The following LTBP1 variants were observed in gnomAD, a reference collection of about 807,000 sequenced individuals.
LTBP1 encodes the protein latent transforming growth factor beta binding protein 1.
A neutral mutation model predicts 207.6 loss-of-function variants in LTBP1; 129 were observed. That is an observed-to-expected ratio of 0.62 (90% CI 0.54 to 0.72). The LOEUF (loss-of-function observed/expected upper bound fraction) is 0.72, where lower values mean the gene tolerates loss of function less well. LTBP1 is among the 30% of genes least tolerant of loss of function. The pLI is 0.00. For synonymous variants in LTBP1, 963 were observed against 833.7 expected (o/e 1.16, Z -2.67); for missense variants, 2,281 against 2,217.2 (o/e 1.03, Z -0.58).
At position 33,137,178 on chromosome 2, in the gene LTBP1, T is replaced by G. The variant is rs185071578; in HGVS notation, c.1201+2218T>G. 1.1e-3 allele frequency among the ~76,000 whole-genome samples: 168 copies of G among 152,348 alleles called. 1 individual carries two copies. The highest frequency in any genetic ancestry group is 3.8e-3 in the African/African-American group (158 of 41,580). On this transcript the variant is annotated intron_variant, in intron 5 of 33. Transcript: ENST00000404816. ...CAAAAACGTTTATGCATATATCTTTTTGGGACTTTACTGGTTTAGTGTAAT... is the reference window on the plus strand; with the variant it reads ...CAAAAACGTTTATGCATATATCTTTGTGGGACTTTACTGGTTTAGTGTAAT...
At chr2:32,961,876 T>TGGA (rs1679170931) in intron 2 of LTBP1, among the ~76,000 whole-genome samples, 1 of 145,976 alleles carries the variant, frequency 6.9e-6, no homozygotes, top group African/African-American at 2.6e-5. Context: ...AACCAGGAGG[T>TGGA]GGAGGTTGCA....
At chr2:33,193,313 T>C (rs1351720625) in intron 7 of LTBP1, among the ~76,000 whole-genome samples, 1 of 152,140 alleles carries the variant, frequency 6.6e-6, no homozygotes, top group East Asian at 1.9e-4. Flanking sequence ...AGCTAATTTT[T>C]GTATTTTTAG....
intron 18 of LTBP1, among the ~76,000 whole-genome samples, chr2:33,279,058 G>T (rs1050673474): frequency 1.8e-4 from 28 of 151,594 alleles, no homozygotes; most frequent in Admixed American, 3.9e-4. Context: ...TTCTTTTTTT[G>T]TTTCTCTAGT....
chr2:32,961,721 G>A (rs185031749), intron 2 of LTBP1, among the ~76,000 whole-genome samples: 66 of 152,172 alleles, frequency 4.3e-4, no homozygotes, highest in Middle Eastern at 3.4e-3. Flanking sequence ...TGAGGCTGGC[G>A]GATCACCTGA....
intron 2 of LTBP1, among the ~76,000 whole-genome samples, chr2:32,967,061 C>A (rs1430739904): frequency 6.6e-6 from 1 of 151,938 alleles, no homozygotes; most frequent in African/African-American, 2.4e-5. Context: ...CAGATTATGT[C>A]TTTTAAGGAA....
intron 15 of LTBP1, among the ~76,000 whole-genome samples, chr2:33,266,325 G>T (rs1054124206): frequency 2.6e-5 from 4 of 152,250 alleles, no homozygotes; most frequent in South Asian, 2.1e-4. Flanking sequence ...GGGTAGCTCA[G>T]TGTGGGCTTG....
In LTBP1 at chr2:33,151,821, TTTTGTGTGTGTGTGTGTGTGTGTG is replaced by T. The variant is rs1290290748; in HGVS notation, c.1201+16863_1201+16886del. Among the ~76,000 whole-genome samples, 104 of 140,844 alleles carry T rather than the reference TTTTGTGTGTGTGTGTGTGTGTGTG, an allele frequency of 7.4e-4. 1 individual carries two copies. The highest frequency in any genetic ancestry group is 2.0e-4 in the Non-Finnish European group (13 of 65,538). The allele number at this position is 140,844 out of a possible 152,430, so 92.4% of individuals were successfully genotyped here. ...CTTTTTATGGCTGAGTAGTATTCCA[TTTTGTGTGTGTGTGTGTGTGTGTG>T]TGTGTGTGTGTGTGTGTGTGTGTGT... is the stretch of plus-strand genomic sequence containing the variant. On this transcript the variant is annotated intron_variant, in intron 5 of 33. Transcript: ENST00000404816.
At chr2:33,257,741 G>A (rs1029378925) in intron 12 of LTBP1, among the ~76,000 whole-genome samples, 4 of 152,190 alleles carry the variant, frequency 2.6e-5, no homozygotes, top group African/African-American at 9.6e-5. Context: ...ATTTTAGAAT[G>A]CTGTCCTGAT....
intron 3 of LTBP1, among the ~76,000 whole-genome samples, chr2:33,076,480 G>A (rs1472496724): frequency 6.6e-6 from 1 of 151,896 alleles, no homozygotes; most frequent in Non-Finnish European, 1.5e-5. Flanking sequence ...CCTTAGGGAA[G>A]AAAACCTAAT....
At chr2:33,226,365 C>T (rs1389298968) in intron 9 of LTBP1, among the ~76,000 whole-genome samples, 1 of 152,120 alleles carries the variant, frequency 6.6e-6, no homozygotes, top group African/African-American at 2.4e-5. Flanking sequence ...CTGGCATACC[C>T]CAAAGTTGGG....
At chr2:33,067,143 C>T (rs1490310331) in intron 3 of LTBP1, among the ~76,000 whole-genome samples, 1 of 152,176 alleles carries the variant, frequency 6.6e-6, no homozygotes, top group African/African-American at 2.4e-5. Context: ...CTGCCCTCCA[C>T]CCTGGGCTAC....
chr2:33,102,541 C>T (rs542576366), intron 3 of LTBP1, among the ~76,000 whole-genome samples: 1 of 152,198 alleles, frequency 6.6e-6, no homozygotes, highest in South Asian at 2.1e-4. Flanking sequence ...CAAATATCTA[C>T]CTTCTTTCAT....
intron 11 of LTBP1, among the ~76,000 whole-genome samples, chr2:33,256,886 TATGTA>T (rs2092876258): frequency 6.7e-6 from 1 of 149,672 alleles, no homozygotes; most frequent in South Asian, 2.1e-4. Flanking sequence ...TATGCAATTT[TATGTA>T]AGGGTCTTGA....
chr2:32,954,458 A>T (rs1203036196), intron 2 of LTBP1, among the ~76,000 whole-genome samples: 1 of 151,754 alleles, frequency 6.6e-6, no homozygotes, highest in Non-Finnish European at 1.5e-5. Context: ...GTGTCTTTAT[A>T]CATTGTCTTG....
chr2:33,066,404 C>G (rs2077511751), intron 3 of LTBP1, among the ~76,000 whole-genome samples: 1 of 152,172 alleles, frequency 6.6e-6, no homozygotes, highest in African/African-American at 2.4e-5. Context: ...TTATTTTAAA[C>G]TTAGAAATTG....
chr2:33,374,192 A>T (rs888140450), intron 31 of LTBP1, among the ~76,000 whole-genome samples: 4 of 152,210 alleles, frequency 2.6e-5, no homozygotes, highest in African/African-American at 9.7e-5. Flanking sequence ...TTTTCCAAGA[A>T]ATATGTTTCC....
At chr2:33,391,421 G>A (rs2095313570) in intron 32 of LTBP1, among the ~76,000 whole-genome samples, 5 of 152,102 alleles carry the variant, frequency 3.3e-5, no homozygotes, top group Admixed American at 3.3e-4. Context: ...TATATGTTAC[G>A]GGTCAGTAAA....
At chr2:33,056,158 G>A (rs2076987363) in intron 3 of LTBP1, among the ~76,000 whole-genome samples, 1 of 152,142 alleles carries the variant, frequency 6.6e-6, no homozygotes, top group Non-Finnish European at 1.5e-5. Context: ...ATCAGAGAGA[G>A]AATATTGGGG....
chr2:33,227,614 G>T (rs1206354559), intron 9 of LTBP1, among the ~76,000 whole-genome samples: 1 of 151,898 alleles, frequency 6.6e-6, no homozygotes, highest in Non-Finnish European at 1.5e-5. Flanking sequence ...CTCTTACTCT[G>T]TGTTGGAATT....
Sources: gnomAD v4.1 joint callset for allele counts (sites outside exome capture counted in the v4.1 genomes callset) on GRCh38, gnomAD v4.1.1 for gene constraint, MANE v1.5 for transcripts, NCBI Gene and HGNC (gene_info 2026-07-23, HGNC 2026-07-21) for gene names.